The following HHAT variants were observed in gnomAD, a reference collection of about 807,000 sequenced individuals.
HHAT encodes the protein hedgehog acyltransferase.
HHAT carries 47 observed loss-of-function variants against 70.8 expected under a neutral mutation model. The ratio of observed to expected loss-of-function variants is 0.66; its 90% CI spans 0.53 to 0.85. The LOEUF (loss-of-function observed/expected upper bound fraction) is 0.85, where lower values mean the gene tolerates loss of function less well. Among genes scored for constraint, HHAT ranks in the 40% least tolerant of loss-of-function variants. HHAT has a pLI of 0.00. For synonymous variants in HHAT, 228 were observed against 247.6 expected (o/e 0.92, Z 0.74); for missense variants, 609 against 604.8 (o/e 1.01, Z -0.07).
chr1:210,553,329 G>A (rs2095543895), intron 9 of HHAT, among the ~76,000 whole-genome samples: 2 of 152,186 alleles, frequency 1.3e-5, no homozygotes, highest in South Asian at 4.1e-4. Context: ...CCTGCCGTTA[G>A]AGGCTTTGAA....
At chr1:210,624,687 T>C (rs898777266) in intron 11 of HHAT, among the ~76,000 whole-genome samples, 3 of 152,252 alleles carry the variant, frequency 2.0e-5, no homozygotes, top group African/African-American at 7.2e-5. Flanking sequence ...ATTCTATTAA[T>C]AATTGATCGT....
chr1:210,428,286 CTATATATATATATATA>C (rs66516721), intron 7 of HHAT, among the ~76,000 whole-genome samples: 1,736 of 100,770 alleles, frequency 0.017, 25 homozygotes, highest in African/African-American at 0.027. Flanking sequence ...TGAGCTTATA[CTATATATATATATATA>C]TATATATATA....
At chr1:210,371,944 C>G (rs2089608478) in intron 3 of HHAT, among the ~76,000 whole-genome samples, 1 of 152,240 alleles carries the variant, frequency 6.6e-6, no homozygotes, top group Non-Finnish European at 1.5e-5. Context: ...TTCTCAGTCA[C>G]AAACCAGTCA....
At chr1:210,622,008 G>T (rs1668938709) in intron 10 of HHAT, among the ~76,000 whole-genome samples, 1 of 152,188 alleles carries the variant, frequency 6.6e-6, no homozygotes, top group South Asian at 2.1e-4. Context: ...TGGCAGGAGA[G>T]AACAGGAGGA....
chr1:210,611,826 G>A (rs1473379010), intron 10 of HHAT, among the ~76,000 whole-genome samples: 2 of 151,996 alleles, frequency 1.3e-5, no homozygotes, highest in Non-Finnish European at 2.9e-5. Context: ...TTGCGTATGT[G>A]GAACCAACTT....
chr1:210,393,325 A>C (rs1043256657), intron 4 of HHAT, among the ~76,000 whole-genome samples: 8 of 152,226 alleles, frequency 5.3e-5, no homozygotes, highest in African/African-American at 1.9e-4. Context: ...CCTCAAGGGC[A>C]TAGGCCATGT....
chr1:210,618,327 C>T (rs1047338854), intron 10 of HHAT, among the ~76,000 whole-genome samples: 1 of 152,056 alleles, frequency 6.6e-6, no homozygotes, highest in Non-Finnish European at 1.5e-5. Flanking sequence ...GGGGTGTTCA[C>T]CCCTCATTTG....
chr1:210,549,393 G>A (rs1205952030), intron 9 of HHAT, among the ~76,000 whole-genome samples: 6 of 148,608 alleles, frequency 4.0e-5, no homozygotes, highest in Admixed American at 2.8e-4. Flanking sequence ...GTATTGTGGG[G>A]AGGTTTATAT....
chr1:210,373,773 C>T (rs1558380759), intron 3 of HHAT, among the ~76,000 whole-genome samples: 1 of 152,190 alleles, frequency 6.6e-6, no homozygotes, highest in Non-Finnish European at 1.5e-5. Flanking sequence ...GAATTTGTTA[C>T]TAGGTAGATA....
intron 11 of HHAT, among the ~76,000 whole-genome samples, chr1:210,663,724 C>T (rs1294518892): frequency 6.6e-6 from 1 of 152,228 alleles, no homozygotes; most frequent in African/African-American, 2.4e-5. Context: ...GCAGCATCCA[C>T]ATCACCTGGA....
intron 11 of HHAT, chr1:210,631,265 C>T: frequency 2.7e-6 from 1 of 376,608 alleles, no homozygotes; most frequent in South Asian, 2.0e-5. Context: ...ACTGTTTACA[C>T]CATGAACCAT....
chr1:210,501,954 C>T (rs1572877835), intron 8 of HHAT, among the ~76,000 whole-genome samples: 1 of 151,976 alleles, frequency 6.6e-6, no homozygotes, highest in African/African-American at 2.4e-5. Flanking sequence ...TGTGGGAACC[C>T]TCATCCTTAG....
intron 8 of HHAT, among the ~76,000 whole-genome samples, chr1:210,487,382 T>C (rs1304323729): frequency 6.6e-6 from 1 of 152,186 alleles, no homozygotes; most frequent in East Asian, 1.9e-4. Flanking sequence ...CAATACCTAC[T>C]TGAGCTTCTC....
At chr1:210,429,750 C>A (rs1479153302) in intron 7 of HHAT, among the ~76,000 whole-genome samples, 1 of 151,800 alleles carries the variant, frequency 6.6e-6, no homozygotes, top group Non-Finnish European at 1.5e-5. Flanking sequence ...TGTAAAGGTA[C>A]ATTTATCCCT....
At chr1:210,340,131 G>A (rs1052011992) in intron 1 of HHAT, among the ~76,000 whole-genome samples, 2 of 150,426 alleles carry the variant, frequency 1.3e-5, no homozygotes, top group Non-Finnish European at 3.0e-5. Context: ...CTCGAGGCCA[G>A]GAGTTCAAGA....
chr1:210,328,329 C>T (rs930384225), upstream of HHAT: 1 of 152,236 alleles, frequency 6.6e-6, no homozygotes, highest in African/African-American at 2.4e-5. Context: ...TCAGATCTTC[C>T]ACTCTTTTCA....
At chr1:210,462,637 G>C (rs1249520448) in intron 7 of HHAT, 1 of 152,266 alleles carries the variant, frequency 6.6e-6, no homozygotes, top group Non-Finnish European at 1.5e-5. Context: ...CCAAAAGTCT[G>C]AAGAACCTGT....
intron 9 of HHAT, among the ~76,000 whole-genome samples, chr1:210,529,559 A>G (rs2095291422): frequency 6.6e-6 from 1 of 152,170 alleles, no homozygotes; most frequent in Admixed American, 6.5e-5. Context: ...TACAAGTCAA[A>G]AAGTCACTCT....
intron 9 of HHAT, among the ~76,000 whole-genome samples, chr1:210,556,257 C>A (rs1221305511): frequency 6.6e-6 from 1 of 152,120 alleles, no homozygotes; most frequent in Non-Finnish European, 1.5e-5. Context: ...CAAGTGGTAT[C>A]TTTCCCCTGA....
Sources: gnomAD v4.1 joint callset for allele counts (sites outside exome capture counted in the v4.1 genomes callset) on GRCh38, gnomAD v4.1.1 for gene constraint, MANE v1.5 for transcripts, NCBI Gene and HGNC (gene_info 2026-07-23, HGNC 2026-07-21) for gene names.